Variants in ARID2 observed in about 807,000 individuals in gnomAD.
ARID2 encodes the protein AT-rich interaction domain 2.
In ARID2, 32 loss-of-function variants were observed where a neutral mutation model predicts 184.6. That is an observed-to-expected ratio of 0.17 (90% CI 0.13 to 0.23). The LOEUF (loss-of-function observed/expected upper bound fraction) is 0.23. ARID2 is among the 10% of genes least tolerant of loss of function. The pLI, the probability that ARID2 is intolerant of heterozygous loss-of-function variation, is 1.00. For synonymous variants in ARID2, 836 were observed against 772.6 expected, an observed-to-expected ratio of 1.08 and a Z score of -1.36; for missense variants, 1,696 against 2,197.6, an observed-to-expected ratio of 0.77 and a Z score of 4.56.
Position 45,851,185 on chromosome 12 carries a change from C to A in ARID2, c.3062C>A (p.Pro1021His), listed in dbSNP as rs779616407. Residue 1021 changes from proline to histidine, a missense_variant, in exon 15 of 21, where the codon CCC becomes CAC. This residue lies in a region of ARID2 where 713 missense variants were observed against 824.4 expected (regional missense o/e 0.86). Transcript: ENST00000334344. ...RQQQQQHSPA[P>H]PPQQVQVQVQ... ...CAACAGCAGCAACATTCACCAGCAC[C>A]CCCACCACAGCAGGTACAAGTACAA... is the stretch of plus-strand genomic sequence containing the variant. The A allele has an allele frequency of 4.3e-6, 7 of 1,613,982 alleles. No homozygotes were observed. The highest frequency in any genetic ancestry group is 5.1e-6 in the Non-Finnish European group (6 of 1,180,000).
At chr12:45,815,250 A>C (rs539849648) in intron 4 of ARID2, among the ~76,000 whole-genome samples, 2 of 152,238 alleles carry the variant, frequency 1.3e-5, no homozygotes, top group Non-Finnish European at 2.9e-5. Context: ...TCCAGTTTAC[A>C]GTGTAGAATA....
At chr12:45,846,438 G>C (rs774361455) in intron 11 of ARID2, among the ~76,000 whole-genome samples, 64 of 152,172 alleles carry the variant, frequency 4.2e-4, no homozygotes, top group Non-Finnish European at 6.9e-4. Flanking sequence ...CTCAACTTAC[G>C]TGTTGAACTG....
chr12:45,844,236 C>T (rs1214519466), intron 11 of ARID2, among the ~76,000 whole-genome samples: 4 of 152,088 alleles, frequency 2.6e-5, no homozygotes, highest in Admixed American at 6.6e-5. Flanking sequence ...CCCAGGCAGT[C>T]TCAAACTCCT....
At chr12:45,735,418 C>CTTGTGT (rs371983742) in intron 3 of ARID2, among the ~76,000 whole-genome samples, 1 of 141,322 alleles carries the variant, frequency 7.1e-6, no homozygotes, top group Non-Finnish European at 1.5e-5. Context: ...TAAACTGTAT[C>CTTGTGT]GTGTGTGTGT....
chr12:45,780,820 A>G (rs1001399163), intron 3 of ARID2, among the ~76,000 whole-genome samples: 17 of 151,946 alleles, frequency 1.1e-4, no homozygotes, highest in East Asian at 3.9e-4. Flanking sequence ...GGGTTTCACT[A>G]TGTTGGCCAG....
intron 4 of ARID2, among the ~76,000 whole-genome samples, chr12:45,814,281 G>A (rs1005660846): frequency 6.6e-6 from 1 of 152,086 alleles, no homozygotes; most frequent in East Asian, 1.9e-4. Flanking sequence ...CTTCTAAATT[G>A]AAAACAAAGA....
At position 45,907,610 on chromosome 12, in the gene ARID2, T is replaced by C. The variant is rs1298331550; in HGVS notation, c.*2532T>C. On this transcript the variant is annotated 3_prime_UTR_variant, in exon 21 of 21. Coordinates refer to ENST00000334344, the MANE Select transcript of ARID2 (RefSeq NM_152641.4). ...ATAATAATATGGACTTGCTGTGTAATGGAATTAAAGTGCTTTTGCACAATA... is the reference window on the plus strand; with the variant it reads ...ATAATAATATGGACTTGCTGTGTAACGGAATTAAAGTGCTTTTGCACAATA... The C allele has an allele frequency of 4.3e-6, 1 of 233,102 alleles. No homozygotes were observed. The highest frequency in any genetic ancestry group is 5.6e-5 in the Admixed American group (1 of 17,764). 14.4% of individuals were successfully genotyped at this position (233,102 alleles called of 1,614,324 possible). A position where few individuals can be genotyped will look rare whatever the true frequency, so the allele number is the denominator to read the frequency against.
At chr12:45,844,402 G>GT (rs1201748240) in intron 11 of ARID2, among the ~76,000 whole-genome samples, 1 of 152,156 alleles carries the variant, frequency 6.6e-6, no homozygotes, top group Non-Finnish European at 1.5e-5. Flanking sequence ...TTTGACAGTA[G>GT]TTAAGGAGGC....
At chr12:45,832,227 G>A (rs1445858579) in intron 6 of ARID2, among the ~76,000 whole-genome samples, 1 of 152,144 alleles carries the variant, frequency 6.6e-6, no homozygotes, top group Non-Finnish European at 1.5e-5. Context: ...TTTAAAGATA[G>A]CATTCTTATT....
intron 3 of ARID2, among the ~76,000 whole-genome samples, chr12:45,753,848 C>T (rs1941514400): frequency 6.6e-6 from 1 of 152,148 alleles, no homozygotes; most frequent in South Asian, 2.1e-4. Flanking sequence ...CCCTCCTTGG[C>T]CTTCCAAAGT....
At chr12:45,791,008 A>G (rs1942281587) in intron 3 of ARID2, among the ~76,000 whole-genome samples, 1 of 152,162 alleles carries the variant, frequency 6.6e-6, no homozygotes, top group South Asian at 2.1e-4. Flanking sequence ...GAGTGTACAA[A>G]TAATCTTTTG....
At chr12:45,795,882 C>G (rs1942384059) in intron 3 of ARID2, among the ~76,000 whole-genome samples, 1 of 151,960 alleles carries the variant, frequency 6.6e-6, no homozygotes, top group East Asian at 1.9e-4. Context: ...GGCTCTTTTC[C>G]TATATAACAC....
intron 4 of ARID2, among the ~76,000 whole-genome samples, chr12:45,815,773 CA>C (rs1366912578): frequency 1.3e-5 from 2 of 152,122 alleles, no homozygotes; most frequent in Non-Finnish European, 2.9e-5. Context: ...GCAATCCTCC[CA>C]GCTCAGCCTT....
chr12:45,759,534 T>TA (rs1378669368), intron 3 of ARID2, among the ~76,000 whole-genome samples: 12 of 152,170 alleles, frequency 7.9e-5, no homozygotes, highest in Admixed American at 7.9e-4. Context: ...TTCTCAGTTT[T>TA]AAAATTGTAA....
chr12:45,793,794 A>G (rs554223932), intron 3 of ARID2, among the ~76,000 whole-genome samples: 2 of 151,208 alleles, frequency 1.3e-5, no homozygotes, highest in East Asian at 1.9e-4. Context: ...CCATTTAGAA[A>G]CTTAATCTTT....
chr12:45,857,268 C>T (rs1474738634), intron 15 of ARID2, among the ~76,000 whole-genome samples: 1 of 152,102 alleles, frequency 6.6e-6, no homozygotes, highest in African/African-American at 2.4e-5. Flanking sequence ...ATATTGGTAT[C>T]TTACTGGTAA....
In ARID2 at chr12:45,775,248, G is replaced by A. The variant is rs115111641; in HGVS notation, c.285-36170G>A. ...CTGACAACCAGAATGTCTAGCTCCA[G>A]AAAGTTTGCAGTGTTTGCCATCTCA... On this transcript the variant is annotated intron_variant, in intron 3 of 20. Coordinates refer to ENST00000334344, the MANE Select transcript of ARID2 (RefSeq NM_152641.4). 4.1e-3 allele frequency among the ~76,000 whole-genome samples: 629 copies of A among 152,332 alleles called. 6 individuals are homozygous for A. Among genetic ancestry groups the A allele is most frequent in the African/African-American group, 0.013 (548 of 41,568 alleles).
At chr12:45,849,872 G>A in intron 14 of ARID2, 96 bp downstream of exon 14, 3 of 1,405,050 alleles carry the variant, frequency 2.1e-6, no homozygotes, top group Non-Finnish European at 2.9e-6. Flanking sequence ...TATAACTTTT[G>A]TGTCTCCAGT....
chr12:45,795,573 C>T (rs1291672745), intron 3 of ARID2, among the ~76,000 whole-genome samples: 1 of 152,100 alleles, frequency 6.6e-6, no homozygotes, highest in Non-Finnish European at 1.5e-5. Flanking sequence ...GCTGGGACTA[C>T]AGGCGCCCGC....
Sources: allele counts gnomAD v4.1 joint callset (sites outside exome capture counted in the v4.1 genomes callset), GRCh38; gene constraint gnomAD v4.1.1; regional missense constraint gnomAD v4.1.1; transcripts MANE v1.5; gene names NCBI Gene and HGNC (gene_info 2026-07-23, HGNC 2026-07-21).